GALNTL6: variants seen among roughly 807,000 people sequenced by gnomAD.
GALNTL6 encodes the protein polypeptide N-acetylgalactosaminyltransferase like 6, also known as polypeptide N-acetylgalactosaminyltransferase-like 6.
Under a neutral mutation model 73.7 loss-of-function variants are expected in GALNTL6, and 46 were observed. The ratio of observed to expected loss-of-function variants is 0.62; its 90% CI spans 0.49 to 0.80. The LOEUF (loss-of-function observed/expected upper bound fraction) is 0.80. Ranked by LOEUF, GALNTL6 falls within the 30% of genes least tolerant of loss-of-function variation. GALNTL6 has a pLI of 0.00. For synonymous variants in GALNTL6, 259 were observed against 263.7 expected (o/e 0.98, Z 0.17); for missense variants, 604 against 755.0 (o/e 0.80, Z 2.34).
intron 2 of GALNTL6, among the ~76,000 whole-genome samples, chr4:172,066,380 T>C (rs1731365294): frequency 6.6e-6 from 1 of 152,170 alleles, no homozygotes. Flanking sequence ...TTCTTTCTCT[T>C]AGCAATATGC....
intron 2 of GALNTL6, among the ~76,000 whole-genome samples, chr4:171,884,972 G>T (rs1254513168): frequency 1.3e-5 from 2 of 151,754 alleles, no homozygotes; most frequent in Non-Finnish European, 2.9e-5. Flanking sequence ...CAGGAGAATT[G>T]CTTGAACCCA....
At chr4:172,261,114 G>A (rs969932606) in intron 3 of GALNTL6, among the ~76,000 whole-genome samples, 6 of 151,200 alleles carry the variant, frequency 4.0e-5, no homozygotes, top group African/African-American at 1.5e-4. Context: ...AGATTGACTT[G>A]CTTCATATAA....
chr4:172,629,157 C>G (rs1739284178), intron 5 of GALNTL6, among the ~76,000 whole-genome samples: 4 of 152,158 alleles, frequency 2.6e-5, no homozygotes, highest in Admixed American at 2.6e-4. Context: ...TTGTGTATGT[C>G]TCTGTGTGTG....
At chr4:172,718,737 G>C (rs1193241889) in intron 5 of GALNTL6, among the ~76,000 whole-genome samples, 2 of 151,682 alleles carry the variant, frequency 1.3e-5, no homozygotes, top group Non-Finnish European at 2.9e-5. Context: ...GGCAGACCCT[G>C]AGTGTTCAAA....
intron 2 of GALNTL6, among the ~76,000 whole-genome samples, chr4:172,228,566 T>C (rs1182353566): frequency 6.6e-6 from 1 of 152,124 alleles, no homozygotes; most frequent in Non-Finnish European, 1.5e-5. Context: ...AAATAAGACA[T>C]TTTATGTCTT....
chr4:172,530,349 G>A (rs1735127658), intron 5 of GALNTL6, among the ~76,000 whole-genome samples: 1 of 152,148 alleles, frequency 6.6e-6, no homozygotes, highest in Non-Finnish European at 1.5e-5. Flanking sequence ...AGACTAAAGG[G>A]AAATGCTACT....
In GALNTL6 at chr4:172,418,554, A is replaced by T. The variant is rs562249866; in HGVS notation, c.553+69865A>T. ...CAACCCACAGCCTGAGGCTGAGGGAATAGCCAAATCCAGCCTAGATCATCC... is the reference window on the plus strand; with the variant it reads ...CAACCCACAGCCTGAGGCTGAGGGATTAGCCAAATCCAGCCTAGATCATCC... On this transcript the variant is annotated intron_variant, in intron 5 of 12. Coordinates refer to ENST00000506823, the MANE Select transcript of GALNTL6 (RefSeq NM_001034845.3). 5.3e-5 allele frequency among the ~76,000 whole-genome samples: 8 copies of T among 152,338 alleles called. No homozygotes were observed. The South Asian group carries it at 6.2e-4, about 12-fold the overall frequency.
chr4:172,463,349 A>G (rs1018936562), intron 5 of GALNTL6, among the ~76,000 whole-genome samples: 2 of 151,990 alleles, frequency 1.3e-5, no homozygotes, highest in Non-Finnish European at 2.9e-5. Flanking sequence ...AAAAAAAAAA[A>G]GAACACTTAA....
chr4:172,683,295 G>C (rs1732731774), intron 5 of GALNTL6, among the ~76,000 whole-genome samples: 1 of 152,212 alleles, frequency 6.6e-6, no homozygotes, highest in African/African-American at 2.4e-5. Flanking sequence ...CAAAGCCTCA[G>C]ATGGCCAAAG....
chr4:172,787,067 A>T (rs893399109), intron 5 of GALNTL6, among the ~76,000 whole-genome samples: 1 of 152,162 alleles, frequency 6.6e-6, no homozygotes, highest in Non-Finnish European at 1.5e-5. Context: ...CTGCCATTCA[A>T]TCTATTTTCC....
chr4:171,978,182 A>G (rs7684124), intron 2 of GALNTL6, among the ~76,000 whole-genome samples: 2 of 152,066 alleles, frequency 1.3e-5, no homozygotes. Context: ...AAAATCTTAG[A>G]TAAAATATTT....
intron 5 of GALNTL6, among the ~76,000 whole-genome samples, chr4:172,597,886 A>T (rs1358516791): frequency 6.6e-6 from 1 of 152,010 alleles, no homozygotes; most frequent in African/African-American, 2.4e-5. Flanking sequence ...CCAGGCAGAC[A>T]GAGTCCTAGT....
intron 8 of GALNTL6, among the ~76,000 whole-genome samples, chr4:172,894,918 T>C (rs1237106328): frequency 6.6e-6 from 1 of 151,824 alleles, no homozygotes; most frequent in Non-Finnish European, 1.5e-5. Flanking sequence ...TGAATTGATC[T>C]CTTTATCATT....
intron 5 of GALNTL6, among the ~76,000 whole-genome samples, chr4:172,752,086 A>G (rs2110785496): frequency 6.6e-6 from 1 of 151,896 alleles, no homozygotes; most frequent in South Asian, 2.1e-4. Flanking sequence ...AACGTGCCAA[A>G]ACCCTACAAG....
At chr4:172,234,951 C>T (rs544688182) in intron 3 of GALNTL6, among the ~76,000 whole-genome samples, 156 of 152,168 alleles carry the variant, frequency 1.0e-3, no homozygotes, top group African/African-American at 3.7e-3. Flanking sequence ...AGATTTTTAA[C>T]TGCTTGGCTA....
At chr4:172,769,850 T>G (rs1199144724) in intron 5 of GALNTL6, among the ~76,000 whole-genome samples, 2 of 152,210 alleles carry the variant, frequency 1.3e-5, no homozygotes, top group African/African-American at 2.4e-5. Flanking sequence ...GTGAGACCAA[T>G]TTGGATTCAA....
chr4:172,499,149 G>A (rs1323322620), intron 5 of GALNTL6, among the ~76,000 whole-genome samples: 1 of 152,214 alleles, frequency 6.6e-6, no homozygotes, highest in Non-Finnish European at 1.5e-5. Context: ...AAGATTAAAC[G>A]TTCCTATGGA....
intron 2 of GALNTL6, among the ~76,000 whole-genome samples, chr4:171,846,119 G>A (rs939627248): frequency 2.0e-5 from 3 of 152,002 alleles, no homozygotes; most frequent in African/African-American, 4.8e-5. Context: ...TTATTCATTT[G>A]TGAGTAATTT....
At chr4:172,170,850 A>T (rs1734796902) in intron 2 of GALNTL6, among the ~76,000 whole-genome samples, 1 of 152,102 alleles carries the variant, frequency 6.6e-6, no homozygotes, top group Non-Finnish European at 1.5e-5. Context: ...ATGGACTACT[A>T]CATGCACTGA....
Sources: gnomAD v4.1 joint callset for allele counts (sites outside exome capture counted in the v4.1 genomes callset) on GRCh38, gnomAD v4.1.1 for gene constraint, MANE v1.5 for transcripts, NCBI Gene and HGNC (gene_info 2026-07-23, HGNC 2026-07-21) for gene names.